The following EYS variants were observed in gnomAD, a reference collection of about 807,000 sequenced individuals.
The protein encoded by EYS is protein eyes shut homolog.
In EYS, 250 loss-of-function variants were observed where a neutral mutation model predicts 282.1. That is an observed-to-expected ratio of 0.89 (90% confidence interval 0.80 to 0.98). The LOEUF (loss-of-function observed/expected upper bound fraction) is 0.98. Ranked by LOEUF, EYS falls within the 50% of genes least tolerant of loss-of-function variation. EYS has a pLI of 0.00. For missense variants in EYS, 4,016 were observed against 3,709.0 expected, an observed-to-expected ratio of 1.08 and a Z score of -2.15; for synonymous variants, 1,355 against 1,282.9, an observed-to-expected ratio of 1.06 and a Z score of -1.20.
chr6:64,230,905 TTAATA>T, intron 30 of EYS, 81 bp from the exon 31 acceptor site: 1 of 838,656 alleles, frequency 1.2e-6, no homozygotes, highest in African/African-American at 1.7e-5. Context: ...AAAATTTGAT[TTAATA>T]TAAGAGAAAA....
chr6:65,114,923 T>G (rs2150191547), intron 12 of EYS, among the ~76,000 whole-genome samples: 1 of 152,110 alleles, frequency 6.6e-6, no homozygotes, highest in East Asian at 1.9e-4. Context: ...TGATTCCCAT[T>G]ACCCTATAAA....
At chr6:65,184,319 G>A (rs1220546874) in intron 12 of EYS, among the ~76,000 whole-genome samples, 1 of 151,850 alleles carries the variant, frequency 6.6e-6, no homozygotes, top group African/African-American at 2.4e-5. Context: ...TCACATGGCA[G>A]AAAGGCAAAC....
chr6:64,716,009 TAAAAG>T (rs940542888), intron 22 of EYS, among the ~76,000 whole-genome samples: 15 of 152,092 alleles, frequency 9.9e-5, no homozygotes, highest in African/African-American at 3.4e-4. Context: ...CTTCTGCAGA[TAAAAG>T]AAGAAACAAG....
chr6:64,022,296 G>A (rs1769228897), intron 33 of EYS, among the ~76,000 whole-genome samples: 1 of 152,126 alleles, frequency 6.6e-6, no homozygotes, highest in Non-Finnish European at 1.5e-5. Context: ...TAAATAAGAG[G>A]TGGACACACA....
intron 22 of EYS, among the ~76,000 whole-genome samples, chr6:64,640,276 T>C (rs1405303833): frequency 6.8e-6 from 1 of 147,984 alleles, no homozygotes; most frequent in African/African-American, 2.5e-5. Flanking sequence ...ACATGTATGT[T>C]TATTGCGGCA....
chr6:64,073,799 AATAT>A (rs1278919621), intron 32 of EYS, among the ~76,000 whole-genome samples: 1 of 151,432 alleles, frequency 6.6e-6, no homozygotes, highest in Non-Finnish European at 1.5e-5. Context: ...TATGTTTGCA[AATAT>A]ATATAGGGCA....
chr6:64,083,105 C>T (rs1182510380), intron 31 of EYS, among the ~76,000 whole-genome samples: 1 of 151,996 alleles, frequency 6.6e-6, no homozygotes, highest in African/African-American at 2.4e-5. Flanking sequence ...GACAGGGTTT[C>T]ACCATGTTGC....
chr6:65,460,055 G>C (rs1764772866), intron 5 of EYS, among the ~76,000 whole-genome samples: 1 of 124,054 alleles, frequency 8.1e-6, no homozygotes, highest in South Asian at 2.7e-4. Context: ...ATATATGTGT[G>C]TATATATGTA....
intron 11 of EYS, among the ~76,000 whole-genome samples, chr6:65,298,683 C>T (rs1300817901): frequency 6.6e-6 from 1 of 151,380 alleles, no homozygotes. Context: ...ATTACCATTT[C>T]TATATCAACC....
intron 31 of EYS, among the ~76,000 whole-genome samples, chr6:64,218,010 G>C (rs1046579096): frequency 1.3e-5 from 2 of 152,032 alleles, no homozygotes; most frequent in Non-Finnish European, 1.5e-5. Context: ...TCTGTGTAGA[G>C]AGACTTCTTG....
intron 36 of EYS, among the ~76,000 whole-genome samples, chr6:63,839,418 A>G (rs1351189289): frequency 6.6e-6 from 1 of 152,234 alleles, no homozygotes; most frequent in African/African-American, 2.4e-5. Context: ...GATGAATAGC[A>G]TTCCATTGTG....
At position 64,621,037 on chromosome 6, in the gene EYS, A is replaced by G. The variant is rs551320712; in HGVS notation, c.3569-3504T>C. On this transcript the variant is annotated intron_variant, in intron 23 of 42. Coordinates refer to ENST00000503581, the MANE Select transcript of EYS (RefSeq NM_001142800.2). Reference sequence around the variant, plus strand: ...TTTTTACTAATTTTTTTTTAAAGACAATCTTGCTCTGTCACCCAGGCTGGA... The same window carrying G: ...TTTTTACTAATTTTTTTTTAAAGACGATCTTGCTCTGTCACCCAGGCTGGA... 9.2e-5 allele frequency among the ~76,000 whole-genome samples: 14 copies of G among 152,260 alleles called. No individual in the cohort carries two copies. In the East Asian group the frequency reaches 2.7e-3, roughly 29 times the overall value.
At chr6:64,669,242 C>G (rs1369602959) in intron 22 of EYS, among the ~76,000 whole-genome samples, 1 of 152,170 alleles carries the variant, frequency 6.6e-6, no homozygotes, top group Non-Finnish European at 1.5e-5. Flanking sequence ...TCTTATCTTA[C>G]TTTACAGATT....
intron 5 of EYS, among the ~76,000 whole-genome samples, chr6:65,416,367 G>C (rs1767232849): frequency 6.6e-6 from 1 of 151,878 alleles, no homozygotes; most frequent in Non-Finnish European, 1.5e-5. Context: ...AATTCTCCAA[G>C]TGTAAGTTAT....
intron 12 of EYS, among the ~76,000 whole-genome samples, chr6:65,244,199 A>G (rs1050705016): frequency 6.6e-6 from 1 of 152,104 alleles, no homozygotes; most frequent in Admixed American, 6.6e-5. Context: ...TTTTTTTGTG[A>G]ATAGTATTTA....
At chr6:64,313,210 CA>C (rs1283393919) in intron 29 of EYS, among the ~76,000 whole-genome samples, 2 of 152,176 alleles carry the variant, frequency 1.3e-5, no homozygotes, top group Non-Finnish European at 2.9e-5. Flanking sequence ...AGCTGAAAAA[CA>C]CAGCAAGAAA....
chr6:65,078,757 A>T (rs1330653068), intron 12 of EYS, among the ~76,000 whole-genome samples: 1 of 151,806 alleles, frequency 6.6e-6, no homozygotes, highest in Non-Finnish European at 1.5e-5. Context: ...CCCAAATCTC[A>T]TGTTGAATTG....
intron 35 of EYS, among the ~76,000 whole-genome samples, chr6:63,970,360 G>A (rs181639445): frequency 6.6e-6 from 1 of 152,258 alleles, no homozygotes; most frequent in Non-Finnish European, 1.5e-5. Flanking sequence ...GATGGGTCTG[G>A]CCCAGTGGCT....
chr6:64,427,824 T>A (rs1335397196), intron 28 of EYS, among the ~76,000 whole-genome samples: 3 of 152,102 alleles, frequency 2.0e-5, no homozygotes, highest in Non-Finnish European at 2.9e-5. Context: ...TGAAGTAGGA[T>A]ATGTTCTTTT....
Sources: allele counts gnomAD v4.1 joint callset (sites outside exome capture counted in the v4.1 genomes callset), GRCh38; gene constraint gnomAD v4.1.1; transcripts MANE v1.5; gene names NCBI Gene and HGNC (gene_info 2026-07-23, HGNC 2026-07-21).